BTN3A1: variants seen among roughly 807,000 people sequenced by gnomAD.
The protein encoded by BTN3A1 is butyrophilin subfamily 3 member A1, also known as dJ45P21.3 (butyrophilin, subfamily 3, member A1).
BTN3A1 carries 24 observed loss-of-function variants against 43.0 expected under a neutral mutation model. The observed-to-expected ratio is 0.56, with a 90% confidence interval of 0.40 to 0.78. The LOEUF is 0.78. BTN3A1 is among the 30% of genes least tolerant of loss of function. The probability of loss-of-function intolerance (pLI) is 0.00; values close to 1 mark genes in which losing one functional copy is unlikely to be tolerated. For synonymous variants in BTN3A1, 181 were observed against 234.7 expected, an observed-to-expected ratio of 0.77 and a Z score of 2.09; for missense variants, 533 against 626.2, an observed-to-expected ratio of 0.85 and a Z score of 1.59.
At chr6:26,411,796 T>C in intron 9 of BTN3A1, 1 of 574,032 alleles carries the variant, frequency 1.7e-6, no homozygotes, top group Non-Finnish European at 3.0e-6. Context: ...ATAGATCTCT[T>C]GCACTTCCTC....
chr6:26,402,679 A>G (rs992935703), intron 1 of BTN3A1, among the ~76,000 whole-genome samples: 1 of 152,266 alleles, frequency 6.6e-6, no homozygotes, highest in Admixed American at 6.5e-5. Flanking sequence ...AAGGGCAAAC[A>G]ATCTTTAAAA....
chr6:26,411,783 C>T (rs1032253264), intron 9 of BTN3A1: 8 of 601,990 alleles, frequency 1.3e-5, no homozygotes, highest in Admixed American at 3.2e-5. Context: ...GGAACCAGGG[C>T]GAATAGATCT....
Position 26,410,012 on chromosome 6 carries a change from G to T in BTN3A1, c.944G>T (p.Arg315Ile). 6.2e-7 allele frequency: 1 copy of T among 1,614,154 alleles called. No homozygotes were observed. The highest frequency in any genetic ancestry group is 1.1e-5 in the South Asian group (1 of 91,078). The change falls in exon 7 of 10, where the codon AGA becomes ATA. Residue 315 changes from arginine to isoleucine, a missense_variant. Transcript: ENST00000289361. ...RVKLLEELRW[R>I]SIQYASRGER... ...CCTGTTCCTTCCGTTGCAGGATGGA[G>T]AAGTATCCAGTATGCATCTCGTAAG...
intron 9 of BTN3A1, chr6:26,412,864 G>T: frequency 1.3e-6 from 2 of 1,513,236 alleles, no homozygotes; most frequent in Non-Finnish European, 1.8e-6. Flanking sequence ...AGTGAATATG[G>T]GGAGGGAAAC....
intron 9 of BTN3A1, chr6:26,411,801 T>C (rs1488626256): frequency 1.8e-6 from 1 of 544,942 alleles, no homozygotes; most frequent in East Asian, 3.2e-5. Context: ...TCTCTTGCAC[T>C]TCCTCAGACC....
intron 1 of BTN3A1, among the ~76,000 whole-genome samples, chr6:26,402,634 A>G (rs560295827): frequency 6.6e-6 from 1 of 152,374 alleles, no homozygotes; most frequent in East Asian, 1.9e-4. Context: ...GAAATAGTCT[A>G]ATTGCATGTT....
At chr6:26,411,074 G>T (rs753990427) in intron 7 of BTN3A1, 35 bp from the exon 8 acceptor site, 13 of 1,564,834 alleles carry the variant, frequency 8.3e-6, no homozygotes, top group Non-Finnish European at 4.3e-6. Flanking sequence ...AAAATGGCAA[G>T]TTCAGGTGAC....
chr6:26,407,159 G>A (rs888656110), intron 3 of BTN3A1, among the ~76,000 whole-genome samples: 2 of 152,316 alleles, frequency 1.3e-5, no homozygotes, highest in East Asian at 3.9e-4. Context: ...TGTTCAACAG[G>A]AGGACACTGA....
rs142221842 is a variant in BTN3A1 at position 26,412,253 on chromosome 6, CAGTTACTGGAACCCAGAATAAGA to C, written c.1018+676_1018+698del. ...CACTGGGACGGCTAGGGAGGGGAGGCAGTTACTGGAACCCAGAATAAGAAGTAGCTCAAAGAGAGGGCTCCCTG... is the reference window on the plus strand; with the variant it reads ...CACTGGGACGGCTAGGGAGGGGAGGCAGTAGCTCAAAGAGAGGGCTCCCTG... On this transcript the variant is annotated intron_variant, in intron 9 of 9. Transcript: ENST00000289361. 8.4e-3 allele frequency: 4,903 copies of C among 585,486 alleles called. 107 individuals carry two copies. The highest frequency in any genetic ancestry group is 0.053 in the East Asian group (1,861 of 34,798). The allele number at this position is 585,486 out of a possible 1,614,324, so 36.3% of individuals were successfully genotyped here. A position where few individuals can be genotyped will look rare whatever the true frequency, so the allele number is the denominator to read the frequency against.
In BTN3A1 at chr6:26,405,831, C is replaced by T. The variant is rs1408083270; in HGVS notation, c.86-78C>T. On this transcript the variant is annotated intron_variant, in intron 2 of 9. Coordinates refer to ENST00000289361, the MANE Select transcript of BTN3A1 (RefSeq NM_007048.6). ...CACCAGTTTCTTTGTATCTCGCCTT[C>T]CCTGTCTGAGAAGCACCCTTCCTCT... The T allele has an allele frequency of 1.9e-6, 3 of 1,610,856 alleles. No homozygotes were observed. The East Asian group carries it at 6.7e-5, about 36-fold the overall frequency.
Position 26,411,599 on chromosome 6 carries a change from T to C in BTN3A1, c.1018+18T>C, listed in dbSNP as rs779195300. On this transcript the variant is annotated intron_variant, in intron 9 of 9. Coordinates refer to ENST00000289361, the MANE Select transcript of BTN3A1 (RefSeq NM_007048.6). ...CAAGCCTGGTGAGTAAATCACTGTG[T>C]GTTCCCTGGACCAACAACCTGAGGG... The C allele has an allele frequency of 1.4e-4, 221 of 1,612,352 alleles. 1 individual carries two copies. The highest frequency in any genetic ancestry group is 5.7e-4 in the Admixed American group (34 of 59,702).
At chr6:26,412,410 A>T (rs1361055046) in intron 9 of BTN3A1, 1 of 940,524 alleles carries the variant, frequency 1.1e-6, no homozygotes, top group South Asian at 1.4e-5. Flanking sequence ...ATCTCCTATC[A>T]GGGCCTCCCA....
At chr6:26,404,978 A>G (rs1037861156) in intron 1 of BTN3A1, among the ~76,000 whole-genome samples, 4 of 152,190 alleles carry the variant, frequency 2.6e-5, no homozygotes, top group African/African-American at 9.7e-5. Flanking sequence ...GAAGAAAGAA[A>G]AGGTAAGTAA....
At position 26,405,676 on chromosome 6, in the gene BTN3A1, G is replaced by A. The variant is rs371938458; in HGVS notation, c.85+28G>A. 6.2e-6 allele frequency: 10 copies of A among 1,612,236 alleles called. No individual in the cohort carries two copies. In the African/African-American group the frequency reaches 1.2e-4, roughly 19 times the overall value. On this transcript the variant is annotated intron_variant, in intron 2 of 9. Coordinates refer to ENST00000289361, the MANE Select transcript of BTN3A1 (RefSeq NM_007048.6). ...AGGGAACAATTCCACGCTTGTTTCT[G>A]AAGCAGACAATTACCTAATTATGTC...
intron 2 of BTN3A1, 118 bp downstream of exon 2, chr6:26,405,766 C>T: frequency 6.3e-7 from 1 of 1,581,466 alleles, no homozygotes; most frequent in Non-Finnish European, 8.7e-7. Context: ...TCACCCGTCA[C>T]TAAGAGACAA....
chr6:26,413,191 A>G lies in BTN3A1; in HGVS notation c.1041A>G (p.Lys347=), dbSNP rs911692319. The change falls in exon 10 of 10, where the codon AAA becomes AAG. Residue 347 remains lysine, a synonymous_variant. Transcript: ENST00000289361. The part of the protein sequence containing the change: ...FKPADVILDP[K]TANPILLVSE... ...CAGCGGATGTGATTCTGGATCCAAA[A>G]ACAGCAAACCCCATCCTCCTTGTTT... is the stretch of plus-strand genomic sequence containing the variant. 2.5e-6 allele frequency: 4 copies of G among 1,612,758 alleles called. No homozygotes were observed. In the African/African-American group the frequency reaches 5.3e-5, roughly 22 times the overall value.
At position 26,406,002 on chromosome 6, in the gene BTN3A1, C is replaced by T; in HGVS notation, c.179C>T (p.Ala60Val). 1.2e-6 allele frequency: 2 copies of T among 1,612,064 alleles called. No homozygotes were observed. The highest frequency in any genetic ancestry group is 8.5e-7 in the Non-Finnish European group (1 of 1,179,222). The change falls in exon 3 of 10, where the codon GCA (alanine) becomes GTA (valine). Residue 60 changes from alanine to valine, a missense_variant. By Grantham distance (64) the Ala-to-Val change is moderately conservative (BLOSUM62 0). Around this residue, in one of 4 missense-constraint regions of BTN3A1, gnomAD observed 11 missense variants for 41.2 expected, o/e 0.27. Transcript: ENST00000289361. ...LPCHLFPTMS[A>V]ETMELKWVSS... The stretch of plus-strand genomic sequence containing the variant: ...TGTCACCTGTTCCCGACCATGAGTG[C>T]AGAGACCATGGAGCTGAAGTGGGTG...
intron 7 of BTN3A1, 110 bp from the exon 8 acceptor site, chr6:26,410,999 G>GGAAAAAAAAAAAAAA (rs1561847979): frequency 1.8e-6 from 1 of 566,872 alleles, no homozygotes; most frequent in Non-Finnish European, 2.7e-6. Flanking sequence ...GATACAGGTG[G>GGAAAAAAAAAAAAAA]TAAAAAAAAA....
In BTN3A1 at chr6:26,412,304, AAG is replaced by A. The variant is rs551029361; in HGVS notation, c.1018+726_1018+727del. 2.3e-3 allele frequency: 1,430 copies of A among 613,874 alleles called. 6 individuals carry two copies. Among genetic ancestry groups the A allele is most frequent in the Admixed American group, 6.9e-3 (234 of 33,868 alleles). The allele number at this position is 613,874 out of a possible 1,614,324, so 38.0% of individuals were successfully genotyped here. On this transcript the variant is annotated intron_variant, in intron 9 of 9. Coordinates refer to ENST00000289361, the MANE Select transcript of BTN3A1 (RefSeq NM_007048.6). The stretch of plus-strand genomic sequence containing the variant: ...TAGCTCAAAGAGAGGGCTCCCTGAG[AAG>A]AGTCTTCAGGCCTTGTTAGAGCAGC...
Sources: gnomAD v4.1 joint callset for allele counts (sites outside exome capture counted in the v4.1 genomes callset) on GRCh38, gnomAD v4.1.1 for gene constraint, gnomAD v4.1.1 regional missense constraint, MANE v1.5 for transcripts, NCBI Gene and HGNC (gene_info 2026-07-23, HGNC 2026-07-21) for gene names.